LRP1B: variants seen among roughly 807,000 people sequenced by gnomAD.
The protein encoded by LRP1B is LDL receptor related protein 1B.
In LRP1B, 217 loss-of-function variants were observed where a neutral mutation model predicts 556.6. That is an observed-to-expected ratio of 0.39 (90% CI 0.35 to 0.44). The LOEUF is 0.44. Among genes scored for constraint, LRP1B ranks in the 20% least tolerant of loss-of-function variants. The pLI, the probability that LRP1B is intolerant of heterozygous loss-of-function variation, is 1.00. For synonymous variants in LRP1B, 2,047 were observed against 1,865.8 expected (o/e 1.10, Z -2.50); for missense variants, 5,053 against 5,620.8 (o/e 0.90, Z 3.23).
At chr2:141,092,461 T>G (rs914947435) in intron 7 of LRP1B, among the ~76,000 whole-genome samples, 4 of 152,196 alleles carry the variant, frequency 2.6e-5, no homozygotes, top group African/African-American at 9.7e-5. Flanking sequence ...TATGTTTGGA[T>G]GTACACATCT....
chr2:140,417,705 G>T (rs965271818), intron 66 of LRP1B, among the ~76,000 whole-genome samples: 1 of 152,006 alleles, frequency 6.6e-6, no homozygotes, highest in Admixed American at 6.6e-5. Flanking sequence ...TCACTACTCA[G>T]GTCAAAGAGG....
intron 11 of LRP1B, among the ~76,000 whole-genome samples, chr2:141,044,528 A>G (rs1698807934): frequency 6.7e-6 from 1 of 149,684 alleles, no homozygotes; most frequent in African/African-American, 2.4e-5. Context: ...TCATCTGACA[A>G]AGGGCTAATA....
rs1156687489 is a variant in LRP1B at position 140,693,769 on chromosome 2, G to A, written c.6799+6481C>T. Among the ~76,000 whole-genome samples the A allele has an allele frequency of 2.0e-5, 3 of 152,242 alleles. No homozygotes were observed. The East Asian group carries it at 5.8e-4, about 29-fold the overall frequency. On this transcript the variant is annotated intron_variant, in intron 41 of 90. Coordinates refer to ENST00000389484, the MANE Select transcript of LRP1B (RefSeq NM_018557.3). The stretch of plus-strand genomic sequence containing the variant: ...GTCACCCAGGCTGGAGTATGGTGGT[G>A]CAATCTTGGCTCACTGCAACCTCTG...
At chr2:141,380,529 T>TG (rs34275990) in intron 3 of LRP1B, among the ~76,000 whole-genome samples, 1 of 152,182 alleles carries the variant, frequency 6.6e-6, no homozygotes, top group South Asian at 2.1e-4. Flanking sequence ...GACTGTTACT[T>TG]GGGGAACTGG....
At chr2:141,143,825 C>A (rs1269440987) in intron 7 of LRP1B, among the ~76,000 whole-genome samples, 1 of 92,246 alleles carries the variant, frequency 1.1e-5, no homozygotes, top group East Asian at 3.5e-4. Context: ...CTGTCAAGAG[C>A]TTTCCTAATC....
chr2:140,294,318 T>C (rs1389273194), intron 84 of LRP1B, among the ~76,000 whole-genome samples: 3 of 151,354 alleles, frequency 2.0e-5, no homozygotes, highest in African/African-American at 7.4e-5. Flanking sequence ...TAAAGTAAAT[T>C]GATCTTAAAT....
intron 7 of LRP1B, among the ~76,000 whole-genome samples, chr2:141,108,319 G>A (rs1343452004): frequency 1.1e-5 from 1 of 94,430 alleles, no homozygotes; most frequent in Non-Finnish European, 2.2e-5. Flanking sequence ...ACAAAAATAT[G>A]TTTATAATCT....
chr2:140,849,402 ACAAAATCC>A (rs762236126), intron 29 of LRP1B, among the ~76,000 whole-genome samples: 6 of 113,590 alleles, frequency 5.3e-5, no homozygotes, highest in African/African-American at 1.4e-4. Context: ...AAAACAAAAA[ACAAAATCC>A]AAAAAAAAAA....
chr2:141,884,915 C>A (rs1400684989), intron 1 of LRP1B, among the ~76,000 whole-genome samples: 1 of 152,052 alleles, frequency 6.6e-6, no homozygotes, highest in East Asian at 1.9e-4. Context: ...CAAAATTTAC[C>A]TGTAAATGTA....
chr2:141,948,618 TTGA>T (rs1701022115), intron 1 of LRP1B, among the ~76,000 whole-genome samples: 2 of 151,972 alleles, frequency 1.3e-5, no homozygotes, highest in African/African-American at 4.8e-5. Context: ...TGATAAACTC[TTGA>T]TGAGCATTGA....
intron 1 of LRP1B, among the ~76,000 whole-genome samples, chr2:142,041,664 A>C (rs142690617): frequency 6.6e-6 from 1 of 151,576 alleles, no homozygotes; most frequent in Non-Finnish European, 1.5e-5. Context: ...GAAGAGCTTT[A>C]AGAATTACTA....
intron 1 of LRP1B, among the ~76,000 whole-genome samples, chr2:141,873,986 C>T (rs115993463): frequency 0.019 from 2,866 of 150,854 alleles, 76 homozygotes; most frequent in South Asian, 0.063. Context: ...TATACACCAT[C>T]AAGAGGTATG....
intron 1 of LRP1B, among the ~76,000 whole-genome samples, chr2:141,974,936 T>C (rs570147898): frequency 6.6e-6 from 1 of 152,236 alleles, no homozygotes; most frequent in East Asian, 1.9e-4. Flanking sequence ...CCCCTCTTTA[T>C]ACATGCCCAC....
chr2:140,609,144 G>T (rs1169308283), intron 41 of LRP1B, among the ~76,000 whole-genome samples: 2 of 152,096 alleles, frequency 1.3e-5, no homozygotes, highest in African/African-American at 4.8e-5. Context: ...TGAACTCCGC[G>T]GTGCCTGAAA....
intron 2 of LRP1B, among the ~76,000 whole-genome samples, chr2:141,608,062 T>C (rs1687979909): frequency 6.6e-6 from 1 of 151,930 alleles, no homozygotes; most frequent in Non-Finnish European, 1.5e-5. Context: ...CTGTCTCTGC[T>C]AAAAATACAA....
intron 32 of LRP1B, among the ~76,000 whole-genome samples, chr2:140,807,660 T>A (rs1459904610): frequency 6.6e-6 from 1 of 151,952 alleles, no homozygotes; most frequent in Non-Finnish European, 1.5e-5. Flanking sequence ...CAAACAGAAG[T>A]ATTTTTATAA....
At chr2:141,626,480 A>C (rs1158494185) in intron 2 of LRP1B, among the ~76,000 whole-genome samples, 1 of 152,222 alleles carries the variant, frequency 6.6e-6, no homozygotes, top group Non-Finnish European at 1.5e-5. Context: ...TTAAAATTAG[A>C]ATCTGCTTCT....
chr2:140,693,286 A>T (rs1434976688), intron 41 of LRP1B, among the ~76,000 whole-genome samples: 1 of 152,166 alleles, frequency 6.6e-6, no homozygotes, highest in African/African-American at 2.4e-5. Flanking sequence ...TACTATCAAC[A>T]TGTGCAGTTT....
chr2:141,934,586 C>A (rs909202056), intron 1 of LRP1B, among the ~76,000 whole-genome samples: 1 of 152,144 alleles, frequency 6.6e-6, no homozygotes, highest in Admixed American at 6.5e-5. Flanking sequence ...CAAATCTCAT[C>A]TAGAACTCTG....
Sources: gnomAD v4.1 joint callset for allele counts (sites outside exome capture counted in the v4.1 genomes callset) on GRCh38, gnomAD v4.1.1 for gene constraint, MANE v1.5 for transcripts, NCBI Gene and HGNC (gene_info 2026-07-23, HGNC 2026-07-21) for gene names.